The following BPTF variants were observed in gnomAD, a reference collection of about 807,000 sequenced individuals.
BPTF encodes bromodomain PHD finger transcription factor.
BPTF carries 18 observed loss-of-function variants against 292.5 expected under a neutral mutation model. The ratio of observed to expected loss-of-function variants is 0.06; its 90% CI spans 0.04 to 0.09. The LOEUF (loss-of-function observed/expected upper bound fraction) is 0.09, where lower values mean the gene tolerates loss of function less well. Among genes scored for constraint, BPTF ranks in the 10% least tolerant of loss-of-function variants. The pLI, the probability that BPTF is intolerant of heterozygous loss-of-function variation, is 1.00. For synonymous variants in BPTF, 1,225 were observed against 1,251.9 expected, an observed-to-expected ratio of 0.98 and a Z score of 0.45; for missense variants, 2,726 against 3,498.7, an observed-to-expected ratio of 0.78 and a Z score of 5.57.
At chr17:67,966,408 C>T in intron 25 of BPTF, 164 bp from the exon 26 acceptor site, 1 of 532,108 alleles carries the variant, frequency 1.9e-6, no homozygotes, top group Non-Finnish European at 3.3e-6. Flanking sequence ...AGAGGAAGCT[C>T]ATCTTAGGTA....
In BPTF at chr17:67,959,601, G is replaced by A; in HGVS notation, c.7987G>A (p.Ala2663Thr). Residue 2663 changes from alanine to threonine, a missense_variant, in exon 24 of 28, where the codon GCC becomes ACC. By Grantham distance (58) the Ala-to-Thr change is moderately conservative. This residue lies in a region of BPTF where 148 missense variants were observed against 145.5 expected (regional missense o/e 1.02). Transcript: ENST00000306378. The stretch of plus-strand genomic sequence containing the variant: ...AAAAGACCTGATGCAGTTGGCTCAG[G>A]CCACAGCAGTAGCTGCACCCTGCCC... ...KEKDLMQLAQATAVAAPCPPV... is the reference protein window; with the variant it reads ...KEKDLMQLAQTTAVAAPCPPV... 1 of 1,571,206 alleles carries A rather than the reference G, an allele frequency of 6.4e-7. No individual in the cohort carries two copies. Among genetic ancestry groups the A allele is most frequent in the South Asian group, 1.2e-5 (1 of 83,198 alleles).
chr17:67,826,914 T>A (rs1391407788), intron 1 of BPTF, among the ~76,000 whole-genome samples: 1 of 152,156 alleles, frequency 6.6e-6, no homozygotes, highest in Non-Finnish European at 1.5e-5. Context: ...TCATTTGGGT[T>A]AGTAGGGGAA....
At chr17:67,886,002 T>TA (rs1225051339) in intron 4 of BPTF, 2 of 727,466 alleles carry the variant, frequency 2.7e-6, no homozygotes, top group Non-Finnish European at 4.6e-6. Context: ...GCATTACTGA[T>TA]ACATGAACAG....
At chr17:67,871,438 C>T (rs779792016) in intron 3 of BPTF, among the ~76,000 whole-genome samples, 8 of 107,150 alleles carry the variant, frequency 7.5e-5, no homozygotes, top group Non-Finnish European at 1.4e-4. Context: ...GAGACTTTGT[C>T]TCCAAAAAAA....
In BPTF at chr17:67,854,165, G is replaced by A; in HGVS notation, c.839G>A (p.Cys280Tyr). The A allele has an allele frequency of 6.2e-7, 1 of 1,614,232 alleles. No individual in the cohort carries two copies. Among genetic ancestry groups the A allele is most frequent in the Non-Finnish European group, 8.5e-7 (1 of 1,180,034 alleles). Residue 280 changes from cysteine to tyrosine, a missense_variant, in exon 2 of 28, where the codon TGC becomes TAC. By Grantham distance (194) the Cys-to-Tyr change is radical. Transcript: ENST00000306378. The surrounding 1 kb of genome is among the most constrained non-coding windows in gnomAD (Gnocchi z 5.6). Reference protein sequence around the residue: ...FCAALVSQEQCTLMAEMHVVL... With the variant: ...FCAALVSQEQYTLMAEMHVVL... ...GCAGCTCTGGTGAGCCAAGAGCAGT[G>A]CACACTCATGGCAGAGATGCATGTT... is the stretch of plus-strand genomic sequence containing the variant.
intron 1 of BPTF, among the ~76,000 whole-genome samples, chr17:67,828,763 G>T (rs2056363612): frequency 6.6e-6 from 1 of 152,096 alleles, no homozygotes; most frequent in East Asian, 1.9e-4. Context: ...CCCGACCTCA[G>T]TTGATCCACC....
chr17:67,909,268 TCC>T (rs1224750645), intron 9 of BPTF, among the ~76,000 whole-genome samples: 1 of 78,866 alleles, frequency 1.3e-5, no homozygotes, highest in African/African-American at 4.7e-5. Context: ...CCGCACCAGG[TCC>T]CCCCCCCCCT....
intron 9 of BPTF, 42 bp from the exon 10 acceptor site, chr17:67,909,540 C>A: frequency 7.5e-7 from 1 of 1,340,368 alleles, no homozygotes; most frequent in Non-Finnish European, 1.0e-6. Flanking sequence ...AGTGCTAATA[C>A]TCTGGAAATA....
Position 67,927,973 on chromosome 17 carries a change from G to A in BPTF, c.5752-382G>A, listed in dbSNP as rs1447068428. Among the ~76,000 whole-genome samples, 10 of 151,610 alleles carry A rather than the reference G, an allele frequency of 6.6e-5. No individual in the cohort carries two copies. In the East Asian group the frequency reaches 1.4e-3, roughly 21 times the overall value. The stretch of plus-strand genomic sequence containing the variant: ...ATCTCAGCTTACTGCAACCTCTGCC[G>A]CCTGGGTTCAAGCAATTCTTCTGCC... On this transcript the variant is annotated intron_variant, in intron 15 of 27. Coordinates refer to ENST00000306378, the MANE Select transcript of BPTF (RefSeq NM_182641.4).
intron 14 of BPTF, among the ~76,000 whole-genome samples, chr17:67,923,841 CTTTATTT>C (rs1341854428): frequency 6.6e-6 from 1 of 151,218 alleles, no homozygotes; most frequent in Non-Finnish European, 1.5e-5. Context: ...AATGTTTTAT[CTTTATTT>C]TTTATTTTAT....
chr17:67,952,713 C>T (rs1333503285), intron 23 of BPTF, among the ~76,000 whole-genome samples: 3 of 152,068 alleles, frequency 2.0e-5, no homozygotes, highest in South Asian at 2.1e-4. Context: ...TTATTATTAA[C>T]GAAAGTCCAT....
chr17:67,977,206 A>G (rs1462505443), intron 27 of BPTF, among the ~76,000 whole-genome samples: 4 of 152,140 alleles, frequency 2.6e-5, no homozygotes, highest in African/African-American at 9.7e-5. Context: ...CTTTCTTGGC[A>G]GGTATTTTTA....
At position 67,913,124 on chromosome 17, in the gene BPTF, C is replaced by G; in HGVS notation, c.5240C>G (p.Ala1747Gly). ...GAGGTCCCTTATTTTAATTACAATG[C>G]AAAACCTGCTTTGGATATATGGCCA... ...IREVPYFNYN[A>G]KPALDIWPYP... Residue 1747 changes from alanine (A) to glycine (G), a missense_variant, in exon 11 of 28, where the codon GCA becomes GGA. Ala to Gly is a moderately conservative substitution (Grantham distance 60, BLOSUM62 0). Transcript: ENST00000306378. The G allele has an allele frequency of 1.2e-6, 2 of 1,614,082 alleles. No individual in the cohort carries two copies. Among genetic ancestry groups the G allele is most frequent in the Non-Finnish European group, 1.7e-6 (2 of 1,179,998 alleles).
In BPTF at chr17:67,875,084, T is replaced by C. The variant is rs1312158641; in HGVS notation, c.1864+64T>C. ...GTGTTATTTATGAAATCTCCAGTTTTACTTGCAAAATGAAAGTGAAATATT... is the reference window on the plus strand; with the variant it reads ...GTGTTATTTATGAAATCTCCAGTTTCACTTGCAAAATGAAAGTGAAATATT... On this transcript the variant is annotated intron_variant, in intron 4 of 27. Transcript: ENST00000306378. The C allele has an allele frequency of 2.8e-6, 4 of 1,423,278 alleles. No homozygotes were observed. The East Asian group carries it at 7.0e-5, about 25-fold the overall frequency. 88.2% of individuals were successfully genotyped at this position (1,423,278 alleles called of 1,614,324 possible). A position where few individuals can be genotyped will look rare whatever the true frequency, so the allele number is the denominator to read the frequency against.
Position 67,856,651 on chromosome 17 carries a change from G to A in BPTF, c.1436+1889G>A, listed in dbSNP as rs143471822. 2.1e-3 allele frequency among the ~76,000 whole-genome samples: 315 copies of A among 152,212 alleles called. 1 individual carries two copies. The highest frequency in any genetic ancestry group is 7.2e-3 in the African/African-American group (297 of 41,534). Reference sequence around the variant, plus strand: ...TGTCAGTATCTTGAGGTCTGTCCTCGAGAGTAAGCTCTAGAGGAGCAATGG... The same window carrying A: ...TGTCAGTATCTTGAGGTCTGTCCTCAAGAGTAAGCTCTAGAGGAGCAATGG... On this transcript the variant is annotated intron_variant, in intron 2 of 27. Transcript: ENST00000306378.
intron 26 of BPTF, among the ~76,000 whole-genome samples, chr17:67,968,450 T>A (rs1287743002): frequency 6.6e-6 from 1 of 151,482 alleles, no homozygotes; most frequent in Non-Finnish European, 1.5e-5. Flanking sequence ...ATTATGCTGG[T>A]AATAGAAGTA....
At chr17:67,832,345 T>C (rs2056765883) in intron 1 of BPTF, among the ~76,000 whole-genome samples, 1 of 152,076 alleles carries the variant, frequency 6.6e-6, no homozygotes, top group Admixed American at 6.6e-5. Flanking sequence ...TAAATATAAT[T>C]ATAATGTTTT....
chr17:67,928,387 T>C lies in BPTF; in HGVS notation c.5784T>C (p.Ile1928=). 6.2e-7 allele frequency: 1 copy of C among 1,613,662 alleles called. No individual in the cohort carries two copies. Among genetic ancestry groups the C allele is most frequent in the Non-Finnish European group, 8.5e-7 (1 of 1,179,778 alleles). ...KRLEQQKPTV[I]ATSTTSPTSS... is the part of the protein sequence containing the mutation. ...TGGAGCAGCAGAAGCCGACAGTGAT[T>C]GCAACTTCCACTACTTCCCCAACAA... The change falls in exon 16 of 28, where the codon ATT becomes ATC. Residue 1928 remains isoleucine, a synonymous_variant. Coordinates refer to ENST00000306378, the MANE Select transcript of BPTF (RefSeq NM_182641.4).
intron 7 of BPTF, 74 bp downstream of exon 7, chr17:67,894,239 A>G: frequency 6.8e-7 from 1 of 1,464,834 alleles, no homozygotes; most frequent in Non-Finnish European, 9.4e-7. Flanking sequence ...TAATAATGAA[A>G]GTTAATATAT....
Sources: gnomAD v4.1 joint callset for allele counts (sites outside exome capture counted in the v4.1 genomes callset) on GRCh38, gnomAD v4.1.1 for gene constraint, gnomAD v4.1.1 regional missense constraint, Gnocchi (gnomAD v3.1) non-coding constraint, MANE v1.5 for transcripts, NCBI Gene and HGNC (gene_info 2026-07-23, HGNC 2026-07-21) for gene names.